The following GRID2 variants were observed in gnomAD, a reference collection of about 807,000 sequenced individuals.
The protein encoded by GRID2 is glutamate ionotropic receptor delta type subunit 2, also known as glutamate receptor ionotropic, delta-2.
A neutral mutation model predicts 114.8 loss-of-function variants in GRID2; 33 were observed. That is an observed-to-expected ratio of 0.29 (90% CI 0.22 to 0.38). The LOEUF (loss-of-function observed/expected upper bound fraction) is 0.38, where lower values mean the gene tolerates loss of function less well. Ranked by LOEUF, GRID2 falls within the 10% of genes least tolerant of loss-of-function variation. GRID2 has a pLI of 1.00. For synonymous variants in GRID2, 505 were observed against 449.9 expected, an observed-to-expected ratio of 1.12 and a Z score of -1.55; for missense variants, 1,184 against 1,257.7, an observed-to-expected ratio of 0.94 and a Z score of 0.89.
chr4:92,909,852 A>G (rs1352919141), intron 2 of GRID2, among the ~76,000 whole-genome samples: 1 of 152,180 alleles, frequency 6.6e-6, no homozygotes, highest in East Asian at 1.9e-4. Flanking sequence ...AGAGCAAGGC[A>G]TACAAAATAA....
chr4:92,622,921 A>G (rs992396337), intron 2 of GRID2, among the ~76,000 whole-genome samples: 1 of 151,768 alleles, frequency 6.6e-6, no homozygotes, highest in African/African-American at 2.4e-5. Context: ...TTTAAATGCC[A>G]TATTTATCAA....
intron 13 of GRID2, among the ~76,000 whole-genome samples, chr4:93,594,216 G>A (rs1738762926): frequency 6.6e-6 from 1 of 151,908 alleles, no homozygotes; most frequent in Admixed American, 6.6e-5. Context: ...GTATGGTGAT[G>A]TACAGATGGG....
intron 14 of GRID2, among the ~76,000 whole-genome samples, chr4:93,764,845 C>A (rs1166089640): frequency 6.6e-6 from 1 of 152,156 alleles, no homozygotes; most frequent in Admixed American, 6.5e-5. Context: ...AATTGCACGC[C>A]AAACAGAACA....
chr4:93,533,314 CTTCT>C (rs1361646661), intron 13 of GRID2, among the ~76,000 whole-genome samples: 12 of 129,440 alleles, frequency 9.3e-5, no homozygotes, highest in Admixed American at 6.6e-4. Context: ...TCCTTCCTTC[CTTCT>C]TTCCTTTCTT....
At chr4:93,616,403 C>T (rs1741645752) in intron 13 of GRID2, among the ~76,000 whole-genome samples, 1 of 151,264 alleles carries the variant, frequency 6.6e-6, no homozygotes. Flanking sequence ...AAAAATTAGA[C>T]CAGTGTGATG....
Position 92,678,341 on chromosome 4 carries a change from T to C in GRID2, c.244+88055T>C, listed in dbSNP as rs192307442. On this transcript the variant is annotated intron_variant, in intron 2 of 15. Transcript: ENST00000282020. ...GGCAGGATTTTTTCTCTGTTTGATG[T>C]CTAAAACAATTCATAGCATGTAGTA... Among the ~76,000 whole-genome samples, 5 of 152,284 alleles carry C rather than the reference T, an allele frequency of 3.3e-5. No individual in the cohort carries two copies. In the East Asian group the frequency reaches 5.8e-4, roughly 18 times the overall value.
chr4:93,653,090 C>T (rs1722729301), intron 14 of GRID2, among the ~76,000 whole-genome samples: 3 of 152,136 alleles, frequency 2.0e-5, no homozygotes, highest in South Asian at 2.1e-4. Flanking sequence ...GAGAGCAAGA[C>T]TCTTTGAAGC....
intron 2 of GRID2, among the ~76,000 whole-genome samples, chr4:93,000,154 G>A (rs1019355799): frequency 6.6e-6 from 1 of 151,602 alleles, no homozygotes; most frequent in African/African-American, 2.4e-5. Context: ...CTCGTACTTA[G>A]AAGAGTTAAT....
At chr4:93,752,250 A>G (rs1394451418) in intron 14 of GRID2, among the ~76,000 whole-genome samples, 1 of 152,140 alleles carries the variant, frequency 6.6e-6, no homozygotes, top group Non-Finnish European at 1.5e-5. Flanking sequence ...CATTCCAGGG[A>G]TTAGGAAAAC....
intron 1 of GRID2, among the ~76,000 whole-genome samples, chr4:93,788,146 G>T (rs1028258548): frequency 6.6e-6 from 1 of 151,840 alleles, no homozygotes. Context: ...GCGAAACCCC[G>T]TCTCTACTAA....
At chr4:93,278,535 G>A (rs1389822821) in intron 8 of GRID2, among the ~76,000 whole-genome samples, 2 of 152,106 alleles carry the variant, frequency 1.3e-5, no homozygotes, top group African/African-American at 4.8e-5. Context: ...AGAAGCAAGA[G>A]TGTATGGACA....
chr4:93,181,475 G>T (rs575982971), intron 4 of GRID2, among the ~76,000 whole-genome samples: 1 of 152,148 alleles, frequency 6.6e-6, no homozygotes, highest in African/African-American at 2.4e-5. Flanking sequence ...ACCCTAACAG[G>T]ATGGTCAGCC....
chr4:92,553,419 GTC>G (rs1252139512), intron 1 of GRID2, among the ~76,000 whole-genome samples: 1 of 152,096 alleles, frequency 6.6e-6, no homozygotes, highest in Non-Finnish European at 1.5e-5. Flanking sequence ...ATTTGGGTAA[GTC>G]TCTACCTTGT....
intron 8 of GRID2, among the ~76,000 whole-genome samples, chr4:93,316,295 A>AGAACGAAAGAAC (rs1342972313): frequency 1.1e-3 from 54 of 47,768 alleles, no homozygotes; most frequent in Middle Eastern, 7.8e-3. Flanking sequence ...AAAGAACGAA[A>AGAACGAAAGAAC]GAAAGAAAGA....
chr4:93,175,685 T>C (rs1235892461), intron 4 of GRID2, among the ~76,000 whole-genome samples: 1 of 152,250 alleles, frequency 6.6e-6, no homozygotes, highest in African/African-American at 2.4e-5. Context: ...AAAATTTAGA[T>C]GTTTTTAGAC....
intron 2 of GRID2, among the ~76,000 whole-genome samples, chr4:92,808,611 A>C (rs1267845663): frequency 6.6e-6 from 1 of 152,062 alleles, no homozygotes; most frequent in South Asian, 2.1e-4. Flanking sequence ...GTAGAGCTTA[A>C]GTTTATAAAC....
At chr4:92,600,044 G>GTGTATATATATATATATA (rs1206780169) in intron 2 of GRID2, among the ~76,000 whole-genome samples, 3 of 54,456 alleles carry the variant, frequency 5.5e-5, no homozygotes, top group Non-Finnish European at 6.9e-5. Flanking sequence ...GTGTGTGTGT[G>GTGTATATATATATATATA]TATATATATA....
At chr4:93,357,965 G>A (rs1220929681) in intron 8 of GRID2, among the ~76,000 whole-genome samples, 1 of 151,310 alleles carries the variant, frequency 6.6e-6, no homozygotes, top group Admixed American at 6.6e-5. Context: ...ATTTTGGTAA[G>A]GTAAATCCAA....
At chr4:92,435,113 C>T (rs1732672464) in intron 1 of GRID2, among the ~76,000 whole-genome samples, 1 of 152,088 alleles carries the variant, frequency 6.6e-6, no homozygotes, top group Non-Finnish European at 1.5e-5. Flanking sequence ...TTAATATTTA[C>T]TGAGCCCTAT....
Sources: gnomAD v4.1 joint callset for allele counts (sites outside exome capture counted in the v4.1 genomes callset) on GRCh38, gnomAD v4.1.1 for gene constraint, MANE v1.5 for transcripts, NCBI Gene and HGNC (gene_info 2026-07-23, HGNC 2026-07-21) for gene names.